Variants in PTPRT observed in about 807,000 individuals in gnomAD.
PTPRT encodes the protein receptor-type tyrosine-protein phosphatase T.
PTPRT carries 56 observed loss-of-function variants against 176.8 expected under a neutral mutation model. The ratio of observed to expected loss-of-function variants is 0.32; its 90% confidence interval spans 0.26 to 0.40. The LOEUF is 0.40. Among genes scored for constraint, PTPRT ranks in the 10% least tolerant of loss-of-function variants. PTPRT has a pLI of 1.00. For missense variants in PTPRT, 1,540 were observed against 1,908.2 expected, an observed-to-expected ratio of 0.81 and a Z score of 3.60; for synonymous variants, 783 against 739.0, an observed-to-expected ratio of 1.06 and a Z score of -0.96.
intron 7 of PTPRT, among the ~76,000 whole-genome samples, chr20:42,617,384 A>T (rs1455147302): frequency 7.4e-6 from 1 of 134,974 alleles, no homozygotes; most frequent in Admixed American, 7.0e-5. Flanking sequence ...CATCAAGGAT[A>T]TTGGTCTAAA....
chr20:43,028,995 G>A (rs1986030349), intron 1 of PTPRT, among the ~76,000 whole-genome samples: 2 of 152,158 alleles, frequency 1.3e-5, no homozygotes, highest in African/African-American at 4.8e-5. Context: ...AGAAGGCTGT[G>A]CATCTTCAAG....
intron 1 of PTPRT, among the ~76,000 whole-genome samples, chr20:43,042,805 A>G (rs1986670514): frequency 6.7e-6 from 1 of 149,344 alleles, no homozygotes; most frequent in African/African-American, 2.5e-5. Flanking sequence ...CTCTATCCCA[A>G]GCGCTAATGG....
At chr20:43,086,412 C>T (rs145597172) in intron 1 of PTPRT, among the ~76,000 whole-genome samples, 2 of 152,218 alleles carry the variant, frequency 1.3e-5, no homozygotes, top group African/African-American at 4.8e-5. Context: ...AACTTAACTG[C>T]ACATCATATG....
chr20:42,604,788 C>T (rs1261263335), intron 7 of PTPRT, among the ~76,000 whole-genome samples: 2 of 152,120 alleles, frequency 1.3e-5, no homozygotes, highest in Admixed American at 1.3e-4. Context: ...CATTGAGTTC[C>T]ATAATTGTAC....
chr20:42,204,834 G>A (rs2055412669), intron 15 of PTPRT, among the ~76,000 whole-genome samples: 1 of 152,106 alleles, frequency 6.6e-6, no homozygotes, highest in Non-Finnish European at 1.5e-5. Context: ...TACGAGAGGA[G>A]GAGTGCGTGA....
intron 7 of PTPRT, among the ~76,000 whole-genome samples, chr20:42,500,052 AT>A (rs2071725499): frequency 6.6e-6 from 1 of 152,114 alleles, no homozygotes; most frequent in African/African-American, 2.4e-5. Context: ...ATCCACTAAC[AT>A]GGTATGTCTC....
chr20:42,943,690 T>C (rs1245572660), intron 1 of PTPRT, among the ~76,000 whole-genome samples: 1 of 152,108 alleles, frequency 6.6e-6, no homozygotes, highest in Non-Finnish European at 1.5e-5. Flanking sequence ...ACCATCCAGT[T>C]AATCTCGTTC....
intron 1 of PTPRT, among the ~76,000 whole-genome samples, chr20:43,058,842 G>A (rs1235460692): frequency 6.6e-6 from 1 of 152,058 alleles, no homozygotes; most frequent in Non-Finnish European, 1.5e-5. Context: ...TACAGAGAGA[G>A]CAACAGATTC....
At chr20:42,959,543 A>T (rs1413972203) in intron 1 of PTPRT, among the ~76,000 whole-genome samples, 1 of 152,190 alleles carries the variant, frequency 6.6e-6, no homozygotes, top group Non-Finnish European at 1.5e-5. Context: ...ATGAGAAAAC[A>T]GAGATTCAGA....
intron 6 of PTPRT, among the ~76,000 whole-genome samples, chr20:42,741,831 A>G (rs1234504487): frequency 6.6e-6 from 1 of 152,060 alleles, no homozygotes; most frequent in Non-Finnish European, 1.5e-5. Context: ...ACGGGTCAAT[A>G]ACTGCTAGAT....
chr20:42,471,700 G>A (rs2145287055), intron 8 of PTPRT, among the ~76,000 whole-genome samples: 1 of 152,226 alleles, frequency 6.6e-6, no homozygotes, highest in African/African-American at 2.4e-5. Context: ...CTGTTGCCCA[G>A]GCTGGAGTGC....
chr20:42,049,619 G>A, the PTPRT span, among the ~76,000 whole-genome samples: 1 of 152,170 alleles, frequency 6.6e-6, no homozygotes. Context: ...AGCTCTCAAA[G>A]TATGCTCTGA....
chr20:42,045,642 C>T, the PTPRT span, among the ~76,000 whole-genome samples: 5 of 140,332 alleles, frequency 3.6e-5, no homozygotes, highest in African/African-American at 1.3e-4. Flanking sequence ...AGTGCCTGTA[C>T]AAGTGGAAAG....
chr20:43,114,278 C>CT (rs2012971424), intron 1 of PTPRT, among the ~76,000 whole-genome samples: 1 of 152,090 alleles, frequency 6.6e-6, no homozygotes, highest in African/African-American at 2.4e-5. Flanking sequence ...CATGAAGAGG[C>CT]TATATGTGTA....
chr20:42,983,281 C>T (rs1600620718), intron 1 of PTPRT, among the ~76,000 whole-genome samples: 1 of 152,330 alleles, frequency 6.6e-6, no homozygotes, highest in East Asian at 1.9e-4. Flanking sequence ...TGCCCTACAA[C>T]TCCAAGGTTG....
intron 1 of PTPRT, among the ~76,000 whole-genome samples, chr20:43,097,141 C>T (rs1178536990): frequency 6.6e-6 from 1 of 152,176 alleles, no homozygotes; most frequent in African/African-American, 2.4e-5. Context: ...GTCCCTGCTT[C>T]CAAGCAATGC....
intron 6 of PTPRT, among the ~76,000 whole-genome samples, chr20:42,715,865 G>T: frequency 6.6e-6 from 1 of 152,172 alleles, no homozygotes; most frequent in East Asian, 1.9e-4. Flanking sequence ...TGGTGCTAAA[G>T]CTTGTATGGA....
At position 43,098,816 on chromosome 20, in the gene PTPRT, T is replaced by C. The variant is rs1323249093; in HGVS notation, c.88+90830A>G. On this transcript the variant is annotated intron_variant, in intron 1 of 30. Coordinates refer to ENST00000373187, the MANE Select transcript of PTPRT (RefSeq NM_007050.6). Reference sequence around the variant, plus strand: ...CAGGACCCTGGGCTTAGTGGCACATTAGACACTCAATAATTGCATATCTAG... The same window carrying C: ...CAGGACCCTGGGCTTAGTGGCACATCAGACACTCAATAATTGCATATCTAG... Among the ~76,000 whole-genome samples, 3 of 152,298 alleles carry C rather than the reference T, an allele frequency of 2.0e-5. No individual in the cohort carries two copies. In the East Asian group the frequency reaches 5.8e-4, roughly 29 times the overall value.
rs1983063463 is a variant in PTPRT at position 42,079,115 on chromosome 20, T to TTCCCTGGCTGG, written c.*1753_*1763dup. On this transcript the variant is annotated 3_prime_UTR_variant, in exon 31 of 31. Coordinates refer to ENST00000373187, the MANE Select transcript of PTPRT (RefSeq NM_007050.6). ...CTGGCTAGAGATCAAGGTCGAGAGT[T>TTCCCTGGCTGG]TCCCTGGCTGGTCCATTCATAGCCT... 1 of 188,884 alleles carries TTCCCTGGCTGG rather than the reference T, an allele frequency of 5.3e-6. No homozygotes were observed. The highest frequency in any genetic ancestry group is 2.3e-5 in the African/African-American group (1 of 42,824). The allele number at this position is 188,884 out of a possible 1,614,324, so 11.7% of individuals were successfully genotyped here.
Sources: allele counts gnomAD v4.1 joint callset (sites outside exome capture counted in the v4.1 genomes callset), GRCh38; gene constraint gnomAD v4.1.1; transcripts MANE v1.5; gene names NCBI Gene and HGNC (gene_info 2026-07-23, HGNC 2026-07-21).